Variants in AFM observed in about 807,000 individuals in gnomAD.
AFM encodes the protein alpha-Alb.
AFM carries 82 observed loss-of-function variants against 68.7 expected under a neutral mutation model. The observed-to-expected ratio is 1.19, with a 90% CI of 1.00 to 1.43. The LOEUF (loss-of-function observed/expected upper bound fraction) is 1.43. AFM is among the 40% of genes most tolerant of loss of function. AFM has a pLI of 0.00. For synonymous variants in AFM, 250 were observed against 234.2 expected, an observed-to-expected ratio of 1.07 and a Z score of -0.61; for missense variants, 772 against 701.8, an observed-to-expected ratio of 1.10 and a Z score of -1.13.
At chr4:73,488,489 G>C in intron 6 of AFM, 141 bp from the exon 7 acceptor site, 1 of 672,462 alleles carries the variant, frequency 1.5e-6, no homozygotes, top group South Asian at 2.3e-5. Flanking sequence ...CCAACTATTT[G>C]ATAAAGACTT....
In AFM at chr4:73,483,933, C is replaced by T; in HGVS notation, c.89-8C>T. 1 of 1,521,562 alleles carries T rather than the reference C, an allele frequency of 6.6e-7. No individual in the cohort carries two copies. The highest frequency in any genetic ancestry group is 9.0e-7 in the Non-Finnish European group (1 of 1,113,744). The allele number at this position is 1,521,562 out of a possible 1,614,324, so 94.3% of individuals were successfully genotyped here. On this transcript the variant is annotated splice_region_variant and splice_polypyrimidine_tract_variant and intron_variant, in intron 1 of 14. Coordinates refer to ENST00000226355, the MANE Select transcript of AFM (RefSeq NM_001133.2). ...CTATGTAATAACCTAAATATTCTTG[C>T]TTTTCAGAGAACTTCAATAGTACTC...
chr4:73,502,553 G>A (rs1721450130), intron 13 of AFM, among the ~76,000 whole-genome samples: 1 of 152,108 alleles, frequency 6.6e-6, no homozygotes, highest in South Asian at 2.1e-4. Flanking sequence ...CCCAATGGAT[G>A]GCTCCATGGA....
chr4:73,482,789 A>G (rs1020115719), intron 1 of AFM, among the ~76,000 whole-genome samples: 3 of 152,058 alleles, frequency 2.0e-5, no homozygotes, highest in Admixed American at 6.6e-5. Flanking sequence ...CATTTATTTG[A>G]CAATAGTTCT....
intron 8 of AFM, 28 bp downstream of exon 8, chr4:73,492,114 AG>A (rs1721088786): frequency 6.4e-7 from 1 of 1,568,348 alleles, no homozygotes; most frequent in Admixed American, 2.0e-5. Flanking sequence ...TGAATTTATA[AG>A]GGAAACAGAA....
At chr4:73,503,783 A>T (rs1353821512) in intron 14 of AFM, 93 bp from the exon 15 acceptor site, 1 of 152,128 alleles carries the variant, frequency 6.6e-6, no homozygotes, top group African/African-American at 2.4e-5. Context: ...CACGGTTACC[A>T]CTAATAGTTT....
In AFM at chr4:73,497,650, A is replaced by G. The variant is rs971545554; in HGVS notation, c.1192-2A>G. 17 of 1,586,684 alleles carry G rather than the reference A, an allele frequency of 1.1e-5. No individual in the cohort carries two copies. Among genetic ancestry groups the G allele is most frequent in the Non-Finnish European group, 1.5e-5 (17 of 1,159,728 alleles). On this transcript the variant is annotated splice_acceptor_variant, in intron 9 of 14. Coordinates refer to ENST00000226355, the MANE Select transcript of AFM (RefSeq NM_001133.2). LOFTEE classifies it high-confidence loss of function. ...TGTAACCATGATTATTCTTATTTTC[A>G]GGAAGACAAATTCAATGAGACAACT...
Position 73,483,808 on chromosome 4 carries a change from A to C in AFM, c.89-133A>C, listed in dbSNP as rs1720779158. Reference sequence around the variant, plus strand: ...CACATGACTTATTTGTTTCTTGTTAAATATGCAAAATTATCTCCTGTCATC... The same window carrying C: ...CACATGACTTATTTGTTTCTTGTTACATATGCAAAATTATCTCCTGTCATC... On this transcript the variant is annotated intron_variant, in intron 1 of 14. Coordinates refer to ENST00000226355, the MANE Select transcript of AFM (RefSeq NM_001133.2). The C allele has an allele frequency of 4.5e-6, 3 of 672,466 alleles. No homozygotes were observed. The East Asian group carries it at 1.1e-4, about 24-fold the overall frequency. The allele number at this position is 672,466 out of a possible 1,614,324, so 41.7% of individuals were successfully genotyped here.
chr4:73,497,223 T>G (rs1241776709), intron 9 of AFM, among the ~76,000 whole-genome samples: 3 of 152,142 alleles, frequency 2.0e-5, no homozygotes, highest in Admixed American at 6.6e-5. Context: ...AGCAACATGA[T>G]TTAAAATGTT....
At chr4:73,503,362 C>T (rs754170664) in intron 14 of AFM, among the ~76,000 whole-genome samples, 4 of 152,078 alleles carry the variant, frequency 2.6e-5, no homozygotes, top group Admixed American at 6.6e-5. Flanking sequence ...AACCAAGAGG[C>T]GCTTAAGTCC....
chr4:73,491,490 A>G (rs969811741), intron 7 of AFM, among the ~76,000 whole-genome samples: 2 of 152,240 alleles, frequency 1.3e-5, no homozygotes, highest in African/African-American at 4.8e-5. Context: ...GATTATAGAT[A>G]TTATAGTAAC....
chr4:73,497,895 C>A (rs983667324), intron 10 of AFM, 146 bp downstream of exon 10: 13 of 478,028 alleles, frequency 2.7e-5, no homozygotes, highest in Non-Finnish European at 4.8e-5. Context: ...GTCAAGAATG[C>A]CTATTGAACT....
Position 73,499,267 on chromosome 4 carries a change from A to G in AFM, c.1422+21A>G, listed in dbSNP as rs1332137252. The G allele has an allele frequency of 2.0e-6, 3 of 1,509,978 alleles. No individual in the cohort carries two copies. In the Admixed American group the frequency reaches 7.0e-5, roughly 35 times the overall value. The allele number at this position is 1,509,978 out of a possible 1,614,324, so 93.5% of individuals were successfully genotyped here. ...ATTTGGTGAGCATGGCCTGTGTACC[A>G]GACTACTCTTTTTTTTTTTTTTTAA... On this transcript the variant is annotated intron_variant, in intron 11 of 14. Coordinates refer to ENST00000226355, the MANE Select transcript of AFM (RefSeq NM_001133.2).
Position 73,487,194 on chromosome 4 carries a change from CAT to C in AFM, c.615+100_615+101del. 7.4e-6 allele frequency: 10 copies of C among 1,342,404 alleles called. No individual in the cohort carries two copies. In the South Asian group the frequency reaches 1.4e-4, roughly 19 times the overall value. The allele number at this position is 1,342,404 out of a possible 1,614,324, so 83.2% of individuals were successfully genotyped here. On this transcript the variant is annotated intron_variant, in intron 5 of 14. Transcript: ENST00000226355. ...ATATTATAGCAAAAGGCTTGCTTACCATATATGATGTTCTCTTGTCACATTCA... is the reference window on the plus strand; with the variant it reads ...ATATTATAGCAAAAGGCTTGCTTACCATATGATGTTCTCTTGTCACATTCA...
intron 5 of AFM, 149 bp downstream of exon 5, chr4:73,487,248 G>T: frequency 1.2e-6 from 1 of 830,574 alleles, no homozygotes; most frequent in Non-Finnish European, 1.8e-6. Flanking sequence ...TGGTCACCAG[G>T]TGCTGATCTA....
chr4:73,491,423 C>A (rs190472026), intron 7 of AFM, among the ~76,000 whole-genome samples: 1 of 152,258 alleles, frequency 6.6e-6, no homozygotes, highest in Non-Finnish European at 1.5e-5. Context: ...TTCTTTCATT[C>A]ATTTATCAAA....
rs1427573771 is a variant in AFM at position 73,488,725 on chromosome 4, G to T, written c.809G>T (p.Cys270Phe). 6.2e-7 allele frequency: 1 copy of T among 1,613,074 alleles called. No homozygotes were observed. The highest frequency in any genetic ancestry group is 1.3e-5 in the African/African-American group (1 of 74,914). The change falls in exon 7 of 15, where the codon TGT becomes TTT. Residue 270 changes from cysteine (C) to phenylalanine (F), a missense_variant. Cys to Phe is a radical substitution (Grantham distance 205). Transcript: ENST00000226355. ...EDVSSNYDGC[C>F]EGDVVQCIRD... Reference sequence around the variant, plus strand: ...GTTTCTTCCAACTATGATGGATGCTGTGAAGGGGATGTTGTGCAGTGCATC... The same window carrying T: ...GTTTCTTCCAACTATGATGGATGCTTTGAAGGGGATGTTGTGCAGTGCATC...
intron 10 of AFM, 95 bp from the exon 11 acceptor site, chr4:73,499,019 G>A: frequency 1.5e-6 from 2 of 1,326,752 alleles, no homozygotes; most frequent in South Asian, 3.4e-5. Flanking sequence ...TATATTGGTT[G>A]TCGCTAGCCT....
intron 8 of AFM, 136 bp downstream of exon 8, chr4:73,492,222 G>A: frequency 1.4e-6 from 1 of 720,978 alleles, no homozygotes; most frequent in Non-Finnish European, 2.3e-6. Context: ...TTTAAATCAT[G>A]GCTATAGAGT....
At chr4:73,499,014 T>C in intron 10 of AFM, 100 bp from the exon 11 acceptor site, 1 of 1,240,850 alleles carries the variant, frequency 8.1e-7, no homozygotes, top group Non-Finnish European at 1.1e-6. Flanking sequence ...GCACCTATAT[T>C]GGTTGTCGCT....
Sources: gnomAD v4.1 joint callset for allele counts (sites outside exome capture counted in the v4.1 genomes callset) on GRCh38, gnomAD v4.1.1 for gene constraint, MANE v1.5 for transcripts, NCBI Gene and HGNC (gene_info 2026-07-23, HGNC 2026-07-21) for gene names.